The following FHIT variants were observed in gnomAD, a reference collection of about 807,000 sequenced individuals.
FHIT encodes the protein bis(5'-adenosyl)-triphosphatase.
Under a neutral mutation model 17.9 loss-of-function variants are expected in FHIT, and 19 were observed. The ratio of observed to expected loss-of-function variants is 1.06; its 90% CI spans 0.74 to 1.56. FHIT has a LOEUF of 1.56. Ranked by LOEUF, FHIT falls within the 40% of genes most tolerant of loss-of-function variation. The pLI, the probability that FHIT is intolerant of heterozygous loss-of-function variation, is 0.00. For missense variants in FHIT, 248 were observed against 189.2 expected (o/e 1.31, Z -1.82); for synonymous variants, 81 against 69.7 (o/e 1.16, Z -0.81).
intron 4 of FHIT, among the ~76,000 whole-genome samples, chr3:60,760,301 A>G (rs1447087469): frequency 6.6e-6 from 1 of 152,198 alleles, no homozygotes; most frequent in Non-Finnish European, 1.5e-5. Context: ...CAGAGAGCAC[A>G]TGGTCTAGGA....
intron 4 of FHIT, among the ~76,000 whole-genome samples, chr3:60,600,615 C>G (rs2038413166): frequency 6.6e-6 from 1 of 152,122 alleles, no homozygotes; most frequent in Non-Finnish European, 1.5e-5. Flanking sequence ...TCACCCTAAT[C>G]CAACCCTACA....
At chr3:60,439,517 C>T (rs780983234) in intron 5 of FHIT, among the ~76,000 whole-genome samples, 20 of 152,022 alleles carry the variant, frequency 1.3e-4, no homozygotes, top group African/African-American at 2.4e-4. Context: ...GTTTTGGGTA[C>T]GGCCTCGAAG....
intron 4 of FHIT, among the ~76,000 whole-genome samples, chr3:60,699,459 T>C (rs2041188989): frequency 6.6e-6 from 1 of 152,194 alleles, no homozygotes; most frequent in Non-Finnish European, 1.5e-5. Context: ...ATTATTGCTT[T>C]GATAACTAAT....
At chr3:60,343,999 T>G (rs2106912521) in intron 5 of FHIT, among the ~76,000 whole-genome samples, 1 of 152,328 alleles carries the variant, frequency 6.6e-6, no homozygotes, top group Admixed American at 6.5e-5. Flanking sequence ...TGCACTTTGC[T>G]TTCAAACTCT....
intron 3 of FHIT, among the ~76,000 whole-genome samples, chr3:60,975,155 T>C (rs1301343988): frequency 6.6e-6 from 1 of 152,174 alleles, no homozygotes; most frequent in Non-Finnish European, 1.5e-5. Context: ...GATCATACAT[T>C]TCTACTCATG....
chr3:60,533,138 C>G (rs150560604), intron 5 of FHIT, among the ~76,000 whole-genome samples: 1 of 152,326 alleles, frequency 6.6e-6, no homozygotes, highest in Non-Finnish European at 1.5e-5. Flanking sequence ...ACTCCCTACA[C>G]TCACACGCTT....
chr3:60,300,520 GT>G (rs1173481555), intron 5 of FHIT, among the ~76,000 whole-genome samples: 1 of 152,000 alleles, frequency 6.6e-6, no homozygotes, highest in African/African-American at 2.4e-5. Flanking sequence ...GTTTTGTTTT[GT>G]TTTTTCCTGT....
intron 3 of FHIT, among the ~76,000 whole-genome samples, chr3:60,940,623 C>G (rs1332246654): frequency 6.6e-6 from 1 of 152,050 alleles, no homozygotes; most frequent in Non-Finnish European, 1.5e-5. Flanking sequence ...TTATCAATCA[C>G]TTTTTTCATA....
At chr3:60,460,617 A>G (rs1027742355) in intron 5 of FHIT, among the ~76,000 whole-genome samples, 11 of 152,206 alleles carry the variant, frequency 7.2e-5, no homozygotes, top group African/African-American at 2.7e-4. Flanking sequence ...ATAAACACAG[A>G]ATACAGACAG....
intron 5 of FHIT, among the ~76,000 whole-genome samples, chr3:60,100,093 A>G (rs768688557): frequency 1.3e-5 from 2 of 152,184 alleles, no homozygotes; most frequent in Non-Finnish European, 2.9e-5. Context: ...TCAACTGGAC[A>G]GTCTGTTCTC....
At chr3:60,106,173 G>A (rs1162502286) in intron 5 of FHIT, among the ~76,000 whole-genome samples, 1 of 152,188 alleles carries the variant, frequency 6.6e-6, no homozygotes, top group Non-Finnish European at 1.5e-5. Context: ...TGGTATGGCA[G>A]TGCTTATGTT....
chr3:60,758,263 T>C (rs1220583048), intron 4 of FHIT, among the ~76,000 whole-genome samples: 1 of 152,168 alleles, frequency 6.6e-6, no homozygotes, highest in Non-Finnish European at 1.5e-5. Flanking sequence ...AGGAGTTGAG[T>C]AGCATCAGAA....
rs935495714 is a variant in FHIT, at chr3:61,170,330, C to G, written c.-164+30287G>C. 5.3e-5 allele frequency among the ~76,000 whole-genome samples: 8 copies of G among 152,194 alleles called. No individual in the cohort carries two copies. The South Asian group carries it at 8.3e-4, about 16-fold the overall frequency. On this transcript the variant is annotated intron_variant, in intron 2 of 9. Transcript: ENST00000492590. ...ATGTAAATAATCTCTTTAAAGAAAA[C>G]AAATAAAATGAGAAGTTAAAGTTAT... is the stretch of plus-strand genomic sequence containing the variant.
chr3:60,163,851 A>C (rs190361029), intron 5 of FHIT, among the ~76,000 whole-genome samples: 62 of 152,268 alleles, frequency 4.1e-4, no homozygotes, highest in African/African-American at 1.4e-3. Context: ...CCTAGTTGGG[A>C]AACACTGATC....
intron 8 of FHIT, among the ~76,000 whole-genome samples, chr3:59,775,564 A>G (rs55711835): frequency 0.041 from 6,270 of 152,248 alleles, 196 homozygotes; most frequent in South Asian, 0.081. Flanking sequence ...TAAACCAATT[A>G]AAATTCTCCT....
chr3:60,068,397 T>A (rs1242718179), intron 5 of FHIT, among the ~76,000 whole-genome samples: 1 of 152,212 alleles, frequency 6.6e-6, no homozygotes, highest in African/African-American at 2.4e-5. Context: ...TTCCCAGGGT[T>A]AAGCTGGAGA....
At chr3:60,402,894 C>T (rs1267019154) in intron 5 of FHIT, among the ~76,000 whole-genome samples, 1 of 152,126 alleles carries the variant, frequency 6.6e-6, no homozygotes, top group Non-Finnish European at 1.5e-5. Context: ...ACTGTCTTGG[C>T]AGACTTTACC....
chr3:60,407,060 G>A (rs996466992), intron 5 of FHIT, among the ~76,000 whole-genome samples: 5 of 130,168 alleles, frequency 3.8e-5, no homozygotes, highest in Non-Finnish European at 6.3e-5. Context: ...CTCAAAGCCT[G>A]CCAATAATTT....
chr3:59,963,012 T>C (rs1707756028), intron 7 of FHIT, among the ~76,000 whole-genome samples: 1 of 152,162 alleles, frequency 6.6e-6, no homozygotes. Flanking sequence ...TCCCAGCACT[T>C]TGGGAGGCCA....
Sources: gnomAD v4.1 joint callset for allele counts (sites outside exome capture counted in the v4.1 genomes callset) on GRCh38, gnomAD v4.1.1 for gene constraint, MANE v1.5 for transcripts, NCBI Gene and HGNC (gene_info 2026-07-23, HGNC 2026-07-21) for gene names.